The following ANKRD11 variants were observed in gnomAD, a reference collection of about 807,000 sequenced individuals.
ANKRD11 encodes the protein ankyrin repeat domain 11, also known as ankyrin repeat domain-containing protein 11.
Under a neutral mutation model 195.7 loss-of-function variants are expected in ANKRD11, and 17 were observed. The observed-to-expected ratio is 0.09, with a 90% CI of 0.06 to 0.13. ANKRD11 has a LOEUF of 0.13. ANKRD11 is among the 10% of genes least tolerant of loss of function. The pLI, the probability that ANKRD11 is intolerant of heterozygous loss-of-function variation, is 1.00. For missense variants in ANKRD11, 3,735 were observed against 3,566.1 expected (o/e 1.05, Z -1.21); for synonymous variants, 1,953 against 1,528.1 (o/e 1.28, Z -6.49).
At chr16:89,399,095 G>C (rs2041585629) in intron 2 of ANKRD11, among the ~76,000 whole-genome samples, 1 of 152,172 alleles carries the variant, frequency 6.6e-6, no homozygotes, top group African/African-American at 2.4e-5. Context: ...CCTGAACACT[G>C]ACCTCCTGTC....
At chr16:89,370,105 G>A (rs1243765935) in intron 2 of ANKRD11, among the ~76,000 whole-genome samples, 1 of 152,196 alleles carries the variant, frequency 6.6e-6, no homozygotes, top group African/African-American at 2.4e-5. Context: ...GCAGGAAGAA[G>A]ACACACTGCT....
In ANKRD11 at chr16:89,280,663, G is replaced by A. The variant is rs1270468037; in HGVS notation, c.5879C>T (p.Ser1960Phe). The A allele has an allele frequency of 1.2e-6, 2 of 1,613,470 alleles. No homozygotes were observed. Among genetic ancestry groups the A allele is most frequent in the Non-Finnish European group, 1.7e-6 (2 of 1,179,966 alleles). Residue 1960 changes from serine to phenylalanine, a missense_variant, in exon 9 of 13, where the codon TCT (serine) becomes TTT (phenylalanine). Coordinates refer to ENST00000301030, the MANE Select transcript of ANKRD11 (RefSeq NM_013275.6). Reference protein sequence around the residue: ...WAHPSEQALASSLIGGTSENP... With the variant: ...WAHPSEQALAFSLIGGTSENP... ...TTCAGAGGTGCCCCCGATCAGGCTA[G>A]AGGCAAGCGCCTGCTCGGAGGGGTG...
chr16:89,487,510 T>C (rs898486762), intron 1 of ANKRD11, among the ~76,000 whole-genome samples: 3 of 152,210 alleles, frequency 2.0e-5, no homozygotes, highest in Admixed American at 6.5e-5. Context: ...GCGCGGTGGC[T>C]CACGCCTGTA....
intron 1 of ANKRD11, among the ~76,000 whole-genome samples, chr16:89,447,726 C>T (rs1460701147): frequency 1.3e-5 from 2 of 150,678 alleles, no homozygotes; most frequent in African/African-American, 2.4e-5. Context: ...CGTGAGCCAC[C>T]GCGCCTGGCC....
At chr16:89,368,409 G>A (rs1469408395) in intron 2 of ANKRD11, among the ~76,000 whole-genome samples, 1 of 120,840 alleles carries the variant, frequency 8.3e-6, no homozygotes. Flanking sequence ...TTTTAGTAGA[G>A]ATGGGGTTTC....
intron 1 of ANKRD11, among the ~76,000 whole-genome samples, chr16:89,483,291 G>T (rs2057502190): frequency 6.6e-6 from 1 of 152,196 alleles, no homozygotes; most frequent in Non-Finnish European, 1.5e-5. Flanking sequence ...TTTTACAAGA[G>T]TCAGTTTCAA....
chr16:89,440,896 GT>G (rs1335609872), intron 1 of ANKRD11, among the ~76,000 whole-genome samples: 2 of 152,212 alleles, frequency 1.3e-5, no homozygotes, highest in Non-Finnish European at 2.9e-5. Context: ...GCTGGTGTGT[GT>G]CACAGTCAAA....
chr16:89,351,805 G>C (rs568455223), intron 2 of ANKRD11, among the ~76,000 whole-genome samples: 1 of 152,340 alleles, frequency 6.6e-6, no homozygotes, highest in Non-Finnish European at 1.5e-5. Context: ...CAATGTTCTA[G>C]AACTGACAGT....
intron 12 of ANKRD11, among the ~76,000 whole-genome samples, chr16:89,268,887 C>G (rs909816893): frequency 6.6e-6 from 1 of 152,258 alleles, no homozygotes; most frequent in Non-Finnish European, 1.5e-5. Context: ...TATGCCACCT[C>G]TACCCTGGCC....
chr16:89,338,928 C>T lies in ANKRD11; in HGVS notation c.-59-21850G>A, dbSNP rs775472984. Among the ~76,000 whole-genome samples, 349 of 152,112 alleles carry T rather than the reference C, an allele frequency of 2.3e-3. 4 individuals carry two copies. The highest frequency in any genetic ancestry group is 2.4e-3 in the Non-Finnish European group (165 of 67,998). ...CAAAAAAATCACCCAGATATAAATG[C>T]GTAATTTAAACCCATAATGAAAGCA... On this transcript the variant is annotated intron_variant, in intron 2 of 12. Transcript: ENST00000301030.
At chr16:89,374,553 G>A (rs1312614476) in intron 2 of ANKRD11, among the ~76,000 whole-genome samples, 2 of 152,202 alleles carry the variant, frequency 1.3e-5, no homozygotes, top group African/African-American at 4.8e-5. Context: ...CTGTGTGTGT[G>A]AGCTACACTC....
chr16:89,313,388 A>G (rs1313513881), intron 3 of ANKRD11: 1 of 1,286,050 alleles, frequency 7.8e-7, no homozygotes, highest in East Asian at 5.5e-5. Context: ...CGGTTCTGGG[A>G]TTCCGTGGTC....
chr16:89,304,151 C>G (rs993909117), intron 4 of ANKRD11, among the ~76,000 whole-genome samples: 1 of 152,204 alleles, frequency 6.6e-6, no homozygotes, highest in East Asian at 1.9e-4. Flanking sequence ...GCACGGCCAG[C>G]GCAGAGGCCT....
rs538349978 is a variant in ANKRD11 at position 89,317,073 on chromosome 16, C to T, written c.-54G>A. Reference sequence around the variant, plus strand: ...ACACGGCCGGCGCTTCATCATCAACCGTCTGCTTCAAAAGAGAAGACACAC... The same window carrying T: ...ACACGGCCGGCGCTTCATCATCAACTGTCTGCTTCAAAAGAGAAGACACAC... On this transcript the variant is annotated 5_prime_UTR_variant, in exon 3 of 13. Transcript: ENST00000301030. The T allele has an allele frequency of 1.7e-5, 26 of 1,561,310 alleles. No individual in the cohort carries two copies. Among genetic ancestry groups the T allele is most frequent in the Admixed American group, 1.3e-4 (7 of 55,702 alleles).
At chr16:89,475,224 G>C (rs906631871) in intron 1 of ANKRD11, among the ~76,000 whole-genome samples, 2 of 152,208 alleles carry the variant, frequency 1.3e-5, no homozygotes, top group African/African-American at 4.8e-5. Context: ...CACTCCACTG[G>C]AGAACAAAGC....
intron 3 of ANKRD11, among the ~76,000 whole-genome samples, chr16:89,312,276 A>G (rs1800898860): frequency 6.6e-6 from 1 of 152,224 alleles, no homozygotes; most frequent in South Asian, 2.1e-4. Context: ...CTCAGTGCAG[A>G]CGGCATGTGG....
intron 2 of ANKRD11, among the ~76,000 whole-genome samples, chr16:89,384,331 G>A (rs1198767660): frequency 1.3e-5 from 2 of 152,172 alleles, no homozygotes; most frequent in Admixed American, 6.5e-5. Flanking sequence ...AGGAGTTCGA[G>A]ACCAGCCCGT....
chr16:89,370,439 G>C lies in ANKRD11; in HGVS notation c.-60+47845C>G, dbSNP rs368634861. On this transcript the variant is annotated intron_variant, in intron 2 of 12. Transcript: ENST00000301030. ...TCCTGAGCCCTCCTGCCGTTATCCA[G>C]GGCAAAGATGGCAAATGGCTCCTGC... is the stretch of plus-strand genomic sequence containing the variant. 5.3e-5 allele frequency among the ~76,000 whole-genome samples: 8 copies of C among 152,278 alleles called. No homozygotes were observed. The East Asian group carries it at 9.7e-4, about 18-fold the overall frequency.
At chr16:89,333,501 G>A (rs922500052) in intron 2 of ANKRD11, among the ~76,000 whole-genome samples, 9 of 152,216 alleles carry the variant, frequency 5.9e-5, no homozygotes, top group Admixed American at 2.6e-4. Context: ...CAGGTCCCCC[G>A]TGTTCCTGCT....
Sources: allele counts gnomAD v4.1 joint callset (sites outside exome capture counted in the v4.1 genomes callset), GRCh38; gene constraint gnomAD v4.1.1; transcripts MANE v1.5; gene names NCBI Gene and HGNC (gene_info 2026-07-23, HGNC 2026-07-21).